The following DTNA variants were observed in gnomAD, a reference collection of about 807,000 sequenced individuals.
The protein encoded by DTNA is dystrophin-related protein 3.
In DTNA, 43 loss-of-function variants were observed where a neutral mutation model predicts 100.7. The observed-to-expected ratio is 0.43, with a 90% CI of 0.33 to 0.55. The LOEUF is 0.55. Ranked by LOEUF, DTNA falls within the 20% of genes least tolerant of loss-of-function variation. DTNA has a pLI of 0.04. For missense variants in DTNA, 798 were observed against 953.9 expected, an observed-to-expected ratio of 0.84 and a Z score of 2.15; for synonymous variants, 349 against 347.9, an observed-to-expected ratio of 1.00 and a Z score of -0.04.
chr18:34,808,675 C>G (rs2095421481), intron 5 of DTNA, among the ~76,000 whole-genome samples: 1 of 152,164 alleles, frequency 6.6e-6, no homozygotes, highest in Non-Finnish European at 1.5e-5. Context: ...CCAGTTCTCT[C>G]TTGGGCCCAG....
At chr18:34,798,264 T>A (rs572159435) in intron 4 of DTNA, among the ~76,000 whole-genome samples, 5 of 152,306 alleles carry the variant, frequency 3.3e-5, no homozygotes, top group Non-Finnish European at 7.4e-5. Context: ...CCTCTCAAAG[T>A]ACTGGGATTT....
chr18:34,876,184 T>C (rs565849906), intron 18 of DTNA, among the ~76,000 whole-genome samples: 80 of 152,364 alleles, frequency 5.3e-4, no homozygotes, highest in African/African-American at 1.9e-3. Flanking sequence ...CATACTCTTT[T>C]TTTCACACAA....
chr18:34,551,146 T>G (rs993777200), intron 1 of DTNA, among the ~76,000 whole-genome samples: 1 of 152,198 alleles, frequency 6.6e-6, no homozygotes, highest in Non-Finnish European at 1.5e-5. Context: ...TGGATCTGTC[T>G]TGTCAACCAT....
chr18:34,620,477 G>T (rs760684856), intron 1 of DTNA, among the ~76,000 whole-genome samples: 1 of 152,158 alleles, frequency 6.6e-6, no homozygotes, highest in Non-Finnish European at 1.5e-5. Flanking sequence ...CTTACTCATC[G>T]TATTAGTTTA....
intron 2 of DTNA, among the ~76,000 whole-genome samples, chr18:34,764,994 C>T (rs1227389850): frequency 2.0e-5 from 3 of 152,114 alleles, no homozygotes; most frequent in Admixed American, 2.0e-4. Context: ...ATACTAGGAG[C>T]TCAGGTCTTG....
intron 1 of DTNA, among the ~76,000 whole-genome samples, chr18:34,585,104 T>C (rs1428058335): frequency 6.6e-6 from 1 of 152,102 alleles, no homozygotes; most frequent in African/African-American, 2.4e-5. Flanking sequence ...AGGAAGCTAC[T>C]GCATGCTCGC....
At chr18:34,522,860 G>A (rs962546898) in intron 1 of DTNA, among the ~76,000 whole-genome samples, 4 of 152,164 alleles carry the variant, frequency 2.6e-5, no homozygotes, top group African/African-American at 9.6e-5. Context: ...CCCAAGCAGG[G>A]GCAGGCAGCA....
At chr18:34,731,195 T>G (rs1310366652) in intron 1 of DTNA, among the ~76,000 whole-genome samples, 2 of 152,212 alleles carry the variant, frequency 1.3e-5, no homozygotes, top group East Asian at 3.9e-4. Context: ...TTTCAAGATT[T>G]GTGGCCGGGC....
chr18:34,868,748 T>C, intron 17 of DTNA: 1 of 985,316 alleles, frequency 1.0e-6, no homozygotes, highest in Non-Finnish European at 1.2e-6. Context: ...AAAAAAATAG[T>C]GCCTGTAATA....
chr18:34,836,743 C>T (rs2096157693), intron 11 of DTNA, among the ~76,000 whole-genome samples: 1 of 151,558 alleles, frequency 6.6e-6, no homozygotes, highest in Admixed American at 6.6e-5. Flanking sequence ...TTCTGAAGAG[C>T]TGAGTGAAAA....
chr18:34,633,284 A>C (rs2058294353), intron 1 of DTNA, among the ~76,000 whole-genome samples: 1 of 152,170 alleles, frequency 6.6e-6, no homozygotes, highest in Non-Finnish European at 1.5e-5. Flanking sequence ...AAGTCGGTGA[A>C]ATACAGCATA....
At chr18:34,555,138 T>C (rs1349609165) in intron 1 of DTNA, among the ~76,000 whole-genome samples, 1 of 135,726 alleles carries the variant, frequency 7.4e-6, no homozygotes, top group Non-Finnish European at 1.6e-5. Flanking sequence ...ATCCATTTCT[T>C]CTAGATTTTC....
intron 1 of DTNA, among the ~76,000 whole-genome samples, chr18:34,742,884 C>T (rs938563271): frequency 3.9e-5 from 6 of 151,942 alleles, no homozygotes; most frequent in South Asian, 2.1e-4. Context: ...GGGTCTCTTC[C>T]GGCTAATAAC....
In DTNA at chr18:34,884,641, T is replaced by C. The variant is rs372434226; in HGVS notation, c.2296-87T>C. 222 of 1,434,638 alleles carry C rather than the reference T, an allele frequency of 1.5e-4. No homozygotes were observed. The African/African-American group carries it at 2.8e-3, about 18-fold the overall frequency. 88.9% of individuals were successfully genotyped at this position (1,434,638 alleles called of 1,614,324 possible). A position where few individuals can be genotyped will look rare whatever the true frequency, so the allele number is the denominator to read the frequency against. On this transcript the variant is annotated intron_variant, in intron 21 of 22. Coordinates refer to ENST00000444659, the MANE Select transcript of DTNA (RefSeq NM_001386795.1). ...CTCTCTCTCTCTGTGTCTTTGTGCA[T>C]GGCTTCCCGCCAAATAATTCACCAG...
intron 1 of DTNA, among the ~76,000 whole-genome samples, chr18:34,742,646 A>ATAGATAGATAATCTATTATCTATC (rs1568378621): frequency 2.0e-5 from 3 of 152,222 alleles, no homozygotes; most frequent in Admixed American, 1.3e-4. Flanking sequence ...ATCTATCTAG[A>ATAGATAGATAATCTATTATCTATC]TAGATAGATA....
chr18:34,554,606 G>A (rs1348830460), intron 1 of DTNA, among the ~76,000 whole-genome samples: 1 of 151,910 alleles, frequency 6.6e-6, no homozygotes, highest in South Asian at 2.1e-4. Flanking sequence ...TTTTGTCAAA[G>A]GCCTTCTCTG....
In DTNA at chr18:34,581,917, C is replaced by T. The variant is rs1004874838; in HGVS notation, c.-2+88403C>T. Reference sequence around the variant, plus strand: ...GATTATAGGCATGAGCCACCATGCCCGGCCCTGCCCCTATTATTTTGTAGG... The same window carrying T: ...GATTATAGGCATGAGCCACCATGCCTGGCCCTGCCCCTATTATTTTGTAGG... On this transcript the variant is annotated intron_variant, in intron 1 of 19. Coordinates refer to the DTNA transcript ENST00000283365. Among the ~76,000 whole-genome samples the T allele has an allele frequency of 7.2e-5, 11 of 152,232 alleles. 1 individual carries two copies. The South Asian group carries it at 1.0e-3, about 14-fold the overall frequency.
chr18:34,712,090 C>T (rs2083009439), intron 1 of DTNA, among the ~76,000 whole-genome samples: 1 of 151,228 alleles, frequency 6.6e-6, no homozygotes, highest in Non-Finnish European at 1.5e-5. Flanking sequence ...TTGAAACTGA[C>T]AATATCTGAG....
chr18:34,528,322 A>G (rs1294144076), intron 1 of DTNA, among the ~76,000 whole-genome samples: 5 of 152,102 alleles, frequency 3.3e-5, no homozygotes, highest in South Asian at 4.1e-4. Context: ...TAAAAATTCT[A>G]GAATTGTCAC....
Sources: gnomAD v4.1 joint callset for allele counts (sites outside exome capture counted in the v4.1 genomes callset) on GRCh38, gnomAD v4.1.1 for gene constraint, MANE v1.5 for transcripts, NCBI Gene and HGNC (gene_info 2026-07-23, HGNC 2026-07-21) for gene names.